The following LRRC61 variants were observed in gnomAD, a reference collection of about 807,000 sequenced individuals.
The protein encoded by LRRC61 is leucine-rich repeat-containing protein 61.
In LRRC61, 9 loss-of-function variants were observed where a neutral mutation model predicts 15.1. The ratio of observed to expected loss-of-function variants is 0.60; its 90% CI spans 0.36 to 1.04. LRRC61 has a LOEUF of 1.04. Ranked by LOEUF, LRRC61 falls within the 50% of genes least tolerant of loss-of-function variation. LRRC61 has a pLI of 0.01. For synonymous variants in LRRC61, 173 were observed against 158.6 expected (o/e 1.09, Z -0.68); for missense variants, 344 against 335.6 (o/e 1.03, Z -0.20).
upstream of LRRC61, among the ~76,000 whole-genome samples, chr7:150,318,365 A>G (rs1336549130): frequency 6.6e-6 from 1 of 152,122 alleles, no homozygotes; most frequent in Non-Finnish European, 1.5e-5. Context: ...TCAGACTTCT[A>G]CCCTCCAGAA....
At chr7:150,331,143 C>T (rs1798097960) in intron 2 of LRRC61, 1 of 1,582,874 alleles carries the variant, frequency 6.3e-7, no homozygotes, top group Non-Finnish European at 8.6e-7. Context: ...TGAACAGCCC[C>T]ACCCTTGTAG....
At chr7:150,325,165 C>G (rs1239722923) in intron 1 of LRRC61, among the ~76,000 whole-genome samples, 1 of 152,222 alleles carries the variant, frequency 6.6e-6, no homozygotes, top group Non-Finnish European at 1.5e-5. Context: ...TCCTCCTCTT[C>G]CACTTGAGGC....
rs149938024 is a variant in LRRC61, at chr7:150,337,367, G to C, written c.506G>C (p.Gly169Ala). The change falls in exon 3 of 3, where the codon GGT becomes GCT. Residue 169 changes from glycine (G) to alanine (A), a missense_variant. Physicochemically the swap from Gly to Ala is moderately conservative, Grantham distance 60. Transcript: ENST00000359623. ...GACGGTGAGCGTGTGATTGGGCGTG[G>C]TAGTGAGTTCTACCAGCTGTGCCGA... ...VIDGERVIGR[G>A]SEFYQLCRDL... 3 of 1,605,204 alleles carry C rather than the reference G, an allele frequency of 1.9e-6. No individual in the cohort carries two copies. Among genetic ancestry groups the C allele is most frequent in the Non-Finnish European group, 8.5e-7 (1 of 1,179,944 alleles).
At position 150,337,476 on chromosome 7, in the gene LRRC61, G is replaced by C. The variant is rs1217558804; in HGVS notation, c.615G>C (p.Trp205Cys). 2.5e-6 allele frequency: 4 copies of C among 1,603,134 alleles called. No homozygotes were observed. In the African/African-American group the frequency reaches 5.3e-5, roughly 21 times the overall value. Residue 205 changes from tryptophan to cysteine, a missense_variant, in exon 3 of 3, where the codon TGG becomes TGC. Trp to Cys is a radical substitution (Grantham distance 215). Coordinates refer to ENST00000359623, the MANE Select transcript of LRRC61 (RefSeq NM_001142928.2). ...AGCCCTGGGTGGAGCCAGGCTACTG[G>C]GAGTCCTGGCCCAGCCGGAGCAGCT... Reference protein sequence around the residue: ...EAQPWVEPGYWESWPSRSSSI... With the variant: ...EAQPWVEPGYCESWPSRSSSI...
At chr7:150,323,615 G>A (rs775703224) in intron 1 of LRRC61, 55 bp downstream of exon 1, 1 of 453,942 alleles carries the variant, frequency 2.2e-6, no homozygotes. Flanking sequence ...GTCGGGGCCC[G>A]TGCCGGCCCC....
At chr7:150,309,518 C>T in the LRRC61 span, among the ~76,000 whole-genome samples, 7,200 of 152,260 alleles carry the variant, frequency 0.047, 587 homozygotes, top group African/African-American at 0.16. Context: ...ACTGCTTGCG[C>T]CTGCTGTAAG....
the LRRC61 span, among the ~76,000 whole-genome samples, chr7:150,316,580 G>A: frequency 6.7e-6 from 1 of 150,018 alleles, no homozygotes; most frequent in African/African-American, 2.5e-5. Flanking sequence ...CTGCCTCCCA[G>A]GTTCAAGCGA....
chr7:150,337,600 GTACTCAGCT>G lies in LRRC61; in HGVS notation c.740_748del (p.Val247_Ser250delinsAla). ...CGACAGCCTGGCCCAGGCGGAGCAG[GTACTCAGCT>G]CTGCGGGCCCCACCTCTTCCTTCGT... On this transcript the variant is annotated inframe_deletion, in exon 3 of 3. Coordinates refer to ENST00000359623, the MANE Select transcript of LRRC61 (RefSeq NM_001142928.2). The G allele has an allele frequency of 6.4e-7, 1 of 1,556,798 alleles. No individual in the cohort carries two copies. The highest frequency in any genetic ancestry group is 8.7e-7 in the Non-Finnish European group (1 of 1,153,720).
At position 150,338,070 on chromosome 7, in the gene LRRC61, C is replaced by T; in HGVS notation, c.*429C>T. The T allele has an allele frequency of 6.7e-6, 3 of 448,626 alleles. No individual in the cohort carries two copies. Among genetic ancestry groups the T allele is most frequent in the South Asian group, 6.1e-5 (3 of 49,118 alleles). The allele number at this position is 448,626 out of a possible 1,614,324, so 27.8% of individuals were successfully genotyped here. ...TGCCTTGCAAATGTGCCTCTCCAGA[C>T]TGCTCCTGCACTTACCCCCTCCCCG... On this transcript the variant is annotated 3_prime_UTR_variant, in exon 3 of 3. Coordinates refer to ENST00000359623, the MANE Select transcript of LRRC61 (RefSeq NM_001142928.2).
chr7:150,333,822 A>T lies in LRRC61; in HGVS notation c.-144-2896A>T. 2.3e-6 allele frequency: 2 copies of T among 887,562 alleles called. No homozygotes were observed. Among genetic ancestry groups the T allele is most frequent in the Non-Finnish European group, 2.7e-6 (2 of 741,048 alleles). 55.0% of individuals were successfully genotyped at this position (887,562 alleles called of 1,614,324 possible). A position where few individuals can be genotyped will look rare whatever the true frequency, so the allele number is the denominator to read the frequency against. On this transcript the variant is annotated intron_variant, in intron 2 of 2. Coordinates refer to ENST00000359623, the MANE Select transcript of LRRC61 (RefSeq NM_001142928.2). The surrounding 1 kb of genome is among the most constrained non-coding windows in gnomAD (Gnocchi z 4.3). Reference sequence around the variant, plus strand: ...CAGCCTGATGGTTAGTTGGGTCTGCACAGGTGGGCGCCGGCTGGTTCTCAG... The same window carrying T: ...CAGCCTGATGGTTAGTTGGGTCTGCTCAGGTGGGCGCCGGCTGGTTCTCAG...
chr7:150,322,131 G>C (rs1797584503), upstream of LRRC61, among the ~76,000 whole-genome samples: 1 of 152,250 alleles, frequency 6.6e-6, no homozygotes, highest in Admixed American at 6.5e-5. Context: ...CAGAGCACCA[G>C]AGTGGATGCA....
intron 1 of LRRC61, among the ~76,000 whole-genome samples, chr7:150,324,194 C>G (rs111241916): frequency 6.6e-6 from 1 of 152,080 alleles, no homozygotes; most frequent in African/African-American, 2.4e-5. Context: ...ACTTGAGGGC[C>G]CAGCAGGTGC....
At chr7:150,334,236 G>A (rs1389752862) in intron 2 of LRRC61, among the ~76,000 whole-genome samples, 15 of 152,178 alleles carry the variant, frequency 9.9e-5, no homozygotes. Context: ...GGCCTCACCT[G>A]TGCCCAGGAC....
the LRRC61 span, among the ~76,000 whole-genome samples, chr7:150,310,090 A>C: frequency 1.3e-5 from 2 of 152,024 alleles, no homozygotes; most frequent in African/African-American, 2.4e-5. Flanking sequence ...AGTTATCCCC[A>C]CCTGCCCAGT....
rs1175515472 is a variant in LRRC61 at position 150,333,217 on chromosome 7, T to C, written c.-144-3501T>C. ...GATGAAAGGAAGAGGGTGAGAGAGC[T>C]TGATGGCACCGAACCAGGGGGCTTG... On this transcript the variant is annotated intron_variant, in intron 2 of 2. Coordinates refer to ENST00000359623, the MANE Select transcript of LRRC61 (RefSeq NM_001142928.2). This position sits in a 1 kb window ranked among gnomAD's most constrained non-coding sequence, Gnocchi z 4.3. 6.6e-6 allele frequency among the ~76,000 whole-genome samples: 1 copy of C among 152,136 alleles called. No individual in the cohort carries two copies. Among genetic ancestry groups the C allele is most frequent in the East Asian group, 1.9e-4 (1 of 5,192 alleles).
the LRRC61 span, among the ~76,000 whole-genome samples, chr7:150,310,373 C>CCTATTAT: frequency 5.9e-5 from 9 of 152,136 alleles, no homozygotes; most frequent in African/African-American, 2.2e-4. Context: ...AGGGATGAAG[C>CCTATTAT]CTATTATCAC....
intron 2 of LRRC61, chr7:150,328,878 G>A (rs1201054637): frequency 2.6e-5 from 4 of 152,204 alleles, no homozygotes; most frequent in Admixed American, 6.5e-5. Flanking sequence ...TGTTGTGGAT[G>A]GTAGGCCTAG....
upstream of LRRC61, among the ~76,000 whole-genome samples, chr7:150,322,088 C>T (rs547349593): frequency 5.3e-5 from 8 of 152,330 alleles, no homozygotes; most frequent in East Asian, 9.6e-4. Context: ...ATGACTTCTT[C>T]GGCTCCCACA....
At position 150,330,546 on chromosome 7, in the gene LRRC61, C is replaced by G. The variant is rs769676026; in HGVS notation, c.-145+4536C>G. On this transcript the variant is annotated intron_variant, in intron 2 of 2. Transcript: ENST00000359623. This position sits in a 1 kb window ranked among gnomAD's most constrained non-coding sequence, Gnocchi z 4.6. ...CGGGGAGAGGGGCGCAGCCATCCAG[C>G]TGGCTGAGGGGTTGGCCCGGCAGCT... 9.0e-6 allele frequency: 7 copies of G among 777,368 alleles called. No homozygotes were observed. The South Asian group carries it at 9.5e-5, about 11-fold the overall frequency. 48.2% of individuals were successfully genotyped at this position (777,368 alleles called of 1,614,324 possible).
Sources: allele counts gnomAD v4.1 joint callset (sites outside exome capture counted in the v4.1 genomes callset), GRCh38; gene constraint gnomAD v4.1.1; non-coding constraint Gnocchi (gnomAD v3.1); transcripts MANE v1.5; gene names NCBI Gene and HGNC (gene_info 2026-07-23, HGNC 2026-07-21).